Variants in PTPN13 observed in about 807,000 individuals in gnomAD.
PTPN13 encodes tyrosine-protein phosphatase non-receptor type 13.
Under a neutral mutation model 284.0 loss-of-function variants are expected in PTPN13, and 191 were observed. That is an observed-to-expected ratio of 0.67 (90% CI 0.60 to 0.76). The LOEUF (loss-of-function observed/expected upper bound fraction) is 0.76, where lower values mean the gene tolerates loss of function less well. PTPN13 is among the 30% of genes least tolerant of loss of function. The pLI, the probability that PTPN13 is intolerant of heterozygous loss-of-function variation, is 0.00. For synonymous variants in PTPN13, 986 were observed against 1,022.3 expected (o/e 0.96, Z 0.68); for missense variants, 2,797 against 2,939.9 (o/e 0.95, Z 1.12).
intron 37 of PTPN13, 25 bp from the exon 38 acceptor site, chr4:86,784,440 G>A (rs1741677085): frequency 2.6e-6 from 4 of 1,518,418 alleles, no homozygotes; most frequent in Non-Finnish European, 3.6e-6. Context: ...ACTATCTGAT[G>A]ATTTGCTTTG....
intron 41 of PTPN13, among the ~76,000 whole-genome samples, chr4:86,797,669 T>C (rs1743505429): frequency 6.6e-6 from 1 of 152,160 alleles, no homozygotes. Context: ...TGATAGTGAC[T>C]GTCTTCACCT....
At chr4:86,743,110 A>G (rs1448811363) in intron 16 of PTPN13, among the ~76,000 whole-genome samples, 4 of 152,056 alleles carry the variant, frequency 2.6e-5, no homozygotes, top group Admixed American at 6.5e-5. Context: ...TGGTCTTCTC[A>G]TATCTCACAA....
chr4:86,668,762 A>ATTTTT, intron 2 of PTPN13, among the ~76,000 whole-genome samples: 1 of 112,290 alleles, frequency 8.9e-6, no homozygotes, highest in Non-Finnish European at 1.8e-5. Context: ...CGCCCAGCTA[A>ATTTTT]TTTTTTTTTT....
rs370996838 is a variant in PTPN13 at position 86,772,856 on chromosome 4, G to T, written c.5247G>T (p.Ser1749=). 1.2e-6 allele frequency: 2 copies of T among 1,613,016 alleles called. No homozygotes were observed. Among genetic ancestry groups the T allele is most frequent in the East Asian group, 2.2e-5 (1 of 44,840 alleles). Residue 1749 remains serine (S), a synonymous_variant, in exon 32 of 48, where the codon TCG becomes TCT. Transcript: ENST00000411767. Reference sequence around the variant, plus strand: ...AATCAGAATCTGCTTCCTCTAGTTCGATGGATAAGTATCATATACATCACA... The same window carrying T: ...AATCAGAATCTGCTTCCTCTAGTTCTATGGATAAGTATCATATACATCACA... ...QPQSESASSS[S]MDKYHIHHIS...
intron 26 of PTPN13, 131 bp from the exon 27 acceptor site, chr4:86,766,301 A>C (rs1415001307): frequency 2.2e-5 from 14 of 648,660 alleles, no homozygotes; most frequent in Non-Finnish European, 3.4e-5. Flanking sequence ...CATATTAAAG[A>C]AACTCTGTAA....
chr4:86,759,193 G>A (rs1265074570), intron 23 of PTPN13, 120 bp downstream of exon 23: 14 of 987,636 alleles, frequency 1.4e-5, no homozygotes, highest in East Asian at 2.6e-5. Flanking sequence ...TAAGTAAACT[G>A]TGATTACTTA....
At chr4:86,613,650 A>AAAAAAAAAAAAAAAAAAT (rs1565145874) in intron 1 of PTPN13, among the ~76,000 whole-genome samples, 1 of 151,780 alleles carries the variant, frequency 6.6e-6, no homozygotes, top group African/African-American at 2.4e-5. Context: ...AAAAAAAAAA[A>AAAAAAAAAAAAAAAAAAT]AGAGTTTGGG....
chr4:86,734,508 C>A (rs1266287739), intron 13 of PTPN13, 52 bp downstream of exon 13: 15 of 1,421,980 alleles, frequency 1.1e-5, no homozygotes, highest in Non-Finnish European at 1.4e-5. Flanking sequence ...GGTCTTTTGA[C>A]CCTTTAGCTT....
chr4:86,678,962 A>G (rs1431009608), intron 3 of PTPN13, among the ~76,000 whole-genome samples: 1 of 152,120 alleles, frequency 6.6e-6, no homozygotes, highest in Non-Finnish European at 1.5e-5. Context: ...AAACCCATAT[A>G]TAATCTTGTT....
chr4:86,715,647 A>G (rs1458025534), intron 7 of PTPN13, among the ~76,000 whole-genome samples: 2 of 152,228 alleles, frequency 1.3e-5, no homozygotes, highest in Non-Finnish European at 2.9e-5. Flanking sequence ...TTGAATACCA[A>G]GCTAAGAAGT....
chr4:86,803,667 G>A, intron 42 of PTPN13, 42 bp from the exon 43 acceptor site: 3 of 1,595,958 alleles, frequency 1.9e-6, no homozygotes, highest in Non-Finnish European at 2.6e-6. Context: ...TAGTTAAATT[G>A]GTTCTGGAGG....
At chr4:86,731,734 C>T (rs181458981) in intron 10 of PTPN13, among the ~76,000 whole-genome samples, 13 of 152,268 alleles carry the variant, frequency 8.5e-5, no homozygotes, top group African/African-American at 3.1e-4. Context: ...GCCTGGAACT[C>T]ATGGGCACAA....
At chr4:86,798,424 T>C (rs1339267910) in intron 41 of PTPN13, among the ~76,000 whole-genome samples, 1 of 152,248 alleles carries the variant, frequency 6.6e-6, no homozygotes, top group Admixed American at 6.5e-5. Flanking sequence ...TGTATACTAA[T>C]GTCATCAGAT....
intron 3 of PTPN13, among the ~76,000 whole-genome samples, chr4:86,681,565 C>G (rs148757867): frequency 6.6e-6 from 1 of 152,150 alleles, no homozygotes; most frequent in Non-Finnish European, 1.5e-5. Context: ...AGAATCTTGC[C>G]TCTGTCAGTT....
chr4:86,785,246 A>G lies in PTPN13; in HGVS notation c.6134A>G (p.Glu2045Gly). The change falls in exon 39 of 48, where the codon GAA becomes GGA. Residue 2045 changes from glutamate to glycine, a missense_variant. Physicochemically the swap from Glu to Gly is moderately conservative, Grantham distance 98. Coordinates refer to ENST00000411767, the MANE Select transcript of PTPN13 (RefSeq NM_080683.3). ...ATTTTTCAAGAATCTTATATACAAG[A>G]AGATGACATTTATGATGATTCCCAA... ...LTLPKESYIQ[E>G]DDIYDDSQEA... 6.4e-7 allele frequency: 1 copy of G among 1,554,956 alleles called. No individual in the cohort carries two copies. The highest frequency in any genetic ancestry group is 8.8e-7 in the Non-Finnish European group (1 of 1,136,824).
chr4:86,802,296 C>T (rs932139938), intron 42 of PTPN13, among the ~76,000 whole-genome samples: 2 of 152,006 alleles, frequency 1.3e-5, no homozygotes, highest in South Asian at 2.1e-4. Context: ...ATCCCATTTA[C>T]TATTATCTAG....
intron 35 of PTPN13, among the ~76,000 whole-genome samples, chr4:86,776,783 T>C (rs931040218): frequency 6.6e-6 from 1 of 152,238 alleles, no homozygotes; most frequent in Non-Finnish European, 1.5e-5. Flanking sequence ...TCTCATGTAA[T>C]TTATTGAATA....
rs1727816300 is a variant in PTPN13, at chr4:86,672,451, G to A, written c.202G>A (p.Asp68Asn). ...GCCATCTGGTAGTGTGTCATTTACA[G>A]ATGAAAATATTTCCAATCAGGATCT... ...LLPSGSVSFT[D>N]ENISNQDLRA... Residue 68 changes from aspartate to asparagine, a missense_variant, in exon 3 of 48, where the codon GAT becomes AAT. Coordinates refer to ENST00000411767, the MANE Select transcript of PTPN13 (RefSeq NM_080683.3). 1 of 1,584,240 alleles carries A rather than the reference G, an allele frequency of 6.3e-7. No individual in the cohort carries two copies. The highest frequency in any genetic ancestry group is 1.3e-5 in the African/African-American group (1 of 74,412).
intron 3 of PTPN13, 112 bp downstream of exon 3, chr4:86,672,655 C>A: frequency 1.3e-6 from 1 of 787,062 alleles, no homozygotes; most frequent in Non-Finnish European, 1.9e-6. Flanking sequence ...TTTTAAATGA[C>A]CGTGTATTCC....
Sources: gnomAD v4.1 joint callset for allele counts (sites outside exome capture counted in the v4.1 genomes callset) on GRCh38, gnomAD v4.1.1 for gene constraint, MANE v1.5 for transcripts, NCBI Gene and HGNC (gene_info 2026-07-23, HGNC 2026-07-21) for gene names.